The following CNTNAP2 variants were observed in gnomAD, a reference collection of about 807,000 sequenced individuals.
CNTNAP2 encodes contactin-associated protein-like 2.
In CNTNAP2, 98 loss-of-function variants were observed where a neutral mutation model predicts 155.2. The observed-to-expected ratio is 0.63, with a 90% CI of 0.54 to 0.75. CNTNAP2 has a LOEUF of 0.75. CNTNAP2 is among the 30% of genes least tolerant of loss of function. The pLI is 0.00. For synonymous variants in CNTNAP2, 651 were observed against 631.2 expected (o/e 1.03, Z -0.47); for missense variants, 1,727 against 1,688.1 (o/e 1.02, Z -0.40).
chr7:147,541,683 T>C (rs1584800919), intron 11 of CNTNAP2, among the ~76,000 whole-genome samples: 1 of 152,318 alleles, frequency 6.6e-6, no homozygotes, highest in South Asian at 2.1e-4. Flanking sequence ...AAACTTTGGT[T>C]ACACTCAATA....
intron 15 of CNTNAP2, among the ~76,000 whole-genome samples, chr7:148,059,566 G>A (rs1444186583): frequency 3.4e-5 from 5 of 148,648 alleles, no homozygotes; most frequent in Non-Finnish European, 7.4e-5. Flanking sequence ...CTCCAGCCTG[G>A]GCAGCAAGAG....
chr7:148,120,406 A>G (rs1804573200), intron 16 of CNTNAP2, among the ~76,000 whole-genome samples: 1 of 151,656 alleles, frequency 6.6e-6, no homozygotes, highest in Non-Finnish European at 1.5e-5. Flanking sequence ...AGCTGGGACT[A>G]CAGGTGCGTG....
chr7:147,916,792 G>A (rs967188756), intron 14 of CNTNAP2, among the ~76,000 whole-genome samples: 4 of 151,968 alleles, frequency 2.6e-5, no homozygotes, highest in African/African-American at 7.3e-5. Flanking sequence ...TGTAAAACAC[G>A]TTATAATTGT....
intron 1 of CNTNAP2, among the ~76,000 whole-genome samples, chr7:146,466,743 C>G (rs942172245): frequency 4.6e-5 from 7 of 152,114 alleles, no homozygotes; most frequent in East Asian, 1.9e-4. Flanking sequence ...ATTGAAAAGC[C>G]TGATTAGGCT....
chr7:147,343,964 G>T lies in CNTNAP2; in HGVS notation c.1498+43674G>T, dbSNP rs115102466. Among the ~76,000 whole-genome samples the T allele has an allele frequency of 6.6e-3, 1,009 of 152,222 alleles. 8 individuals carry two copies. The highest frequency in any genetic ancestry group is 0.023 in the African/African-American group (947 of 41,540). ...GATAATTATTTATTACCTATTACCTGCCAGGCATCCTATCAAACATATCAC... is the reference window on the plus strand; with the variant it reads ...GATAATTATTTATTACCTATTACCTTCCAGGCATCCTATCAAACATATCAC... On this transcript the variant is annotated intron_variant, in intron 9 of 23. Transcript: ENST00000361727.
chr7:147,922,099 A>G (rs2116782033), intron 14 of CNTNAP2, among the ~76,000 whole-genome samples: 1 of 152,346 alleles, frequency 6.6e-6, no homozygotes, highest in African/African-American at 2.4e-5. Context: ...AAAAAGCATT[A>G]CAATAATCAC....
At chr7:148,365,329 C>CT (rs1382830924) in intron 21 of CNTNAP2, among the ~76,000 whole-genome samples, 1 of 152,152 alleles carries the variant, frequency 6.6e-6, no homozygotes, top group Non-Finnish European at 1.5e-5. Context: ...AAAAAAGTAG[C>CT]TTTTTTGTCT....
chr7:146,550,415 T>TTG (rs751347925), intron 1 of CNTNAP2, among the ~76,000 whole-genome samples: 1 of 115,760 alleles, frequency 8.6e-6, no homozygotes, highest in Non-Finnish European at 1.9e-5. Flanking sequence ...TTTTTTTTTT[T>TTG]TTTTTTTTTT....
At chr7:147,676,574 GTC>G (rs1795872557) in intron 13 of CNTNAP2, among the ~76,000 whole-genome samples, 1 of 151,858 alleles carries the variant, frequency 6.6e-6, no homozygotes, top group Non-Finnish European at 1.5e-5. Flanking sequence ...GCTAACTATA[GTC>G]TCTGTGTTGT....
chr7:146,392,633 C>T (rs1456752736), intron 1 of CNTNAP2, among the ~76,000 whole-genome samples: 2 of 152,152 alleles, frequency 1.3e-5, no homozygotes, highest in African/African-American at 4.8e-5. Context: ...TTCAATATTC[C>T]TCTTTCCTAG....
At chr7:146,676,197 A>T (rs1156818313) in intron 1 of CNTNAP2, among the ~76,000 whole-genome samples, 1 of 152,176 alleles carries the variant, frequency 6.6e-6, no homozygotes, top group African/African-American at 2.4e-5. Flanking sequence ...TTTTCATGTA[A>T]TTTAATGATT....
chr7:147,068,636 C>T (rs1370757937), intron 4 of CNTNAP2, among the ~76,000 whole-genome samples: 1 of 152,152 alleles, frequency 6.6e-6, no homozygotes, highest in African/African-American at 2.4e-5. Flanking sequence ...GAACTACAGG[C>T]ATGAGCCACT....
chr7:147,013,833 G>A (rs1201850816), intron 3 of CNTNAP2, among the ~76,000 whole-genome samples: 4 of 152,198 alleles, frequency 2.6e-5, no homozygotes, highest in Admixed American at 6.6e-5. Context: ...GGGAATATTG[G>A]TAGACCCAAT....
intron 13 of CNTNAP2, among the ~76,000 whole-genome samples, chr7:147,853,171 A>G (rs989616782): frequency 2.0e-5 from 3 of 152,242 alleles, no homozygotes; most frequent in Non-Finnish European, 4.4e-5. Context: ...ACTATCCAAG[A>G]CTGACAGTCT....
At position 148,224,226 on chromosome 7, in the gene CNTNAP2, C is replaced by G. The variant is rs188848497; in HGVS notation, c.3248-5420C>G. Among the ~76,000 whole-genome samples, 25 of 152,298 alleles carry G rather than the reference C, an allele frequency of 1.6e-4. No individual in the cohort carries two copies. The East Asian group carries it at 3.7e-3, about 22-fold the overall frequency. On this transcript the variant is annotated intron_variant, in intron 19 of 23. Coordinates refer to ENST00000361727, the MANE Select transcript of CNTNAP2 (RefSeq NM_014141.6). Reference sequence around the variant, plus strand: ...CAGAAATAAGGCAGAGAGTAAAAACCTAAGACAATCAACGTGTTTTTTCTG... The same window carrying G: ...CAGAAATAAGGCAGAGAGTAAAAACGTAAGACAATCAACGTGTTTTTTCTG...
intron 8 of CNTNAP2, among the ~76,000 whole-genome samples, chr7:147,252,803 C>T (rs1280240271): frequency 6.6e-6 from 1 of 152,168 alleles, no homozygotes; most frequent in Non-Finnish European, 1.5e-5. Context: ...ATCCCAATTA[C>T]ACAATTACTC....
intron 17 of CNTNAP2, among the ~76,000 whole-genome samples, chr7:148,155,388 G>A (rs151303098): frequency 9.5e-4 from 145 of 152,278 alleles, no homozygotes; most frequent in African/African-American, 3.3e-3. Context: ...GCTAAGGGCA[G>A]GAGAATTTTG....
At chr7:148,240,050 T>C (rs1444827693) in intron 20 of CNTNAP2, among the ~76,000 whole-genome samples, 1 of 152,218 alleles carries the variant, frequency 6.6e-6, no homozygotes, top group East Asian at 1.9e-4. Context: ...AAGCCTGATT[T>C]GGATAAAACC....
chr7:146,411,174 T>TTTTA (rs768987401), intron 1 of CNTNAP2, among the ~76,000 whole-genome samples: 1 of 139,572 alleles, frequency 7.2e-6, no homozygotes, highest in Admixed American at 7.3e-5. Flanking sequence ...TTTTTTTTTT[T>TTTTA]GAGATGGAGT....
Sources: allele counts gnomAD v4.1 joint callset (sites outside exome capture counted in the v4.1 genomes callset), GRCh38; gene constraint gnomAD v4.1.1; transcripts MANE v1.5; gene names NCBI Gene and HGNC (gene_info 2026-07-23, HGNC 2026-07-21).